Variants in PRCP observed in about 807,000 individuals in gnomAD.
PRCP encodes the protein lysosomal Pro-X carboxypeptidase.
In PRCP, 46 loss-of-function variants were observed where a neutral mutation model predicts 54.2. The ratio of observed to expected loss-of-function variants is 0.85; its 90% CI spans 0.67 to 1.09. PRCP has a LOEUF of 1.09. PRCP is among the 50% of genes least tolerant of loss of function. PRCP has a pLI of 0.00. For missense variants in PRCP, 613 were observed against 596.8 expected, an observed-to-expected ratio of 1.03 and a Z score of -0.28; for synonymous variants, 240 against 212.2, an observed-to-expected ratio of 1.13 and a Z score of -1.14.
At chr11:82,853,302 A>C in intron 2 of PRCP, 24 bp from the exon 3 acceptor site, 1 of 1,578,068 alleles carries the variant, frequency 6.3e-7, no homozygotes. Context: ...ACAAAATCAC[A>C]GGATAAAATC....
chr11:82,860,500 T>G (rs1345786279), intron 1 of PRCP, among the ~76,000 whole-genome samples: 1 of 152,068 alleles, frequency 6.6e-6, no homozygotes, highest in African/African-American at 2.4e-5. Flanking sequence ...TAACATGATG[T>G]TCTGAAATAC....
chr11:82,874,361 A>G, intron 1 of PRCP, among the ~76,000 whole-genome samples: 1 of 152,198 alleles, frequency 6.6e-6, no homozygotes, highest in East Asian at 1.9e-4. Context: ...CAAAAAACAA[A>G]CAAGCAAATA....
chr11:82,857,354 C>A (rs980831174), intron 2 of PRCP, among the ~76,000 whole-genome samples: 2 of 152,156 alleles, frequency 1.3e-5, no homozygotes, highest in Non-Finnish European at 2.9e-5. Context: ...ATTTTATAGA[C>A]AAGAACATTG....
chr11:82,849,321 T>C, intron 5 of PRCP, 103 bp from the exon 6 acceptor site: 4 of 1,261,548 alleles, frequency 3.2e-6, no homozygotes, highest in Non-Finnish European at 4.3e-6. Flanking sequence ...CTCAATCTTT[T>C]ATACCCCTTC....
At chr11:82,892,367 T>C (rs1860023934) in intron 1 of PRCP, among the ~76,000 whole-genome samples, 1 of 152,314 alleles carries the variant, frequency 6.6e-6, no homozygotes, top group South Asian at 2.1e-4. Flanking sequence ...TAAATGTTCA[T>C]TCATTCACTT....
At chr11:82,837,698 T>C (rs993913975) in intron 8 of PRCP, among the ~76,000 whole-genome samples, 3 of 152,190 alleles carry the variant, frequency 2.0e-5, no homozygotes, top group Non-Finnish European at 4.4e-5. Flanking sequence ...ACTCAAAACA[T>C]GGAAATTTTG....
At position 82,845,389 on chromosome 11, in the gene PRCP, T is replaced by C. The variant is rs561536149; in HGVS notation, c.921+3660A>G. Among the ~76,000 whole-genome samples, 3 of 152,020 alleles carry C rather than the reference T, an allele frequency of 2.0e-5. No individual in the cohort carries two copies. The South Asian group carries it at 6.2e-4, about 32-fold the overall frequency. ...TAACAGAGGAAGGAAAGAAGATATGTTGGGGGAAAAAAAAAAGACCAATCT... is the reference window on the plus strand; with the variant it reads ...TAACAGAGGAAGGAAAGAAGATATGCTGGGGGAAAAAAAAAAGACCAATCT... On this transcript the variant is annotated intron_variant, in intron 6 of 8. Coordinates refer to ENST00000313010, the MANE Select transcript of PRCP (RefSeq NM_005040.4).
rs756505412 is a variant in PRCP, at chr11:82,839,372, C to G, written c.975G>C (p.Gln325His). ...NPNVSDSLLLQNIFQALNVYY... is the reference protein window; with the variant it reads ...NPNVSDSLLLHNIFQALNVYY... ...ATACATTCAGAGCTTGGAAAATATT[C>G]TGCAGCAGCAGTGAATCAGATACAT... Residue 325 changes from glutamine to histidine, a missense_variant, in exon 7 of 9, where the codon CAG (glutamine) becomes CAC (histidine). Coordinates refer to ENST00000313010, the MANE Select transcript of PRCP (RefSeq NM_005040.4). The G allele has an allele frequency of 6.2e-7, 1 of 1,613,650 alleles. No individual in the cohort carries two copies. The highest frequency in any genetic ancestry group is 8.5e-7 in the Non-Finnish European group (1 of 1,179,772).
At chr11:82,887,840 C>G (rs1158250239) in intron 1 of PRCP, among the ~76,000 whole-genome samples, 1 of 152,182 alleles carries the variant, frequency 6.6e-6, no homozygotes, top group East Asian at 1.9e-4. Flanking sequence ...GGGTCTGACA[C>G]TACATCCAGG....
At chr11:82,852,234 C>G (rs897363943) in intron 3 of PRCP, among the ~76,000 whole-genome samples, 1 of 152,110 alleles carries the variant, frequency 6.6e-6, no homozygotes, top group African/African-American at 2.4e-5. Context: ...GCAAATCATC[C>G]CACTTTATAT....
intron 1 of PRCP, among the ~76,000 whole-genome samples, chr11:82,890,652 A>T (rs1397021917): frequency 1.3e-5 from 2 of 152,060 alleles, no homozygotes; most frequent in South Asian, 2.1e-4. Context: ...AAAGATTACC[A>T]CACTCGTGGT....
At chr11:82,875,985 C>T (rs546678378) in intron 1 of PRCP, among the ~76,000 whole-genome samples, 5 of 152,250 alleles carry the variant, frequency 3.3e-5, no homozygotes, top group African/African-American at 9.6e-5. Flanking sequence ...ATTCCTCTCT[C>T]GCATCATTAC....
At chr11:82,833,478 T>A (rs1164350504) in intron 8 of PRCP, among the ~76,000 whole-genome samples, 1 of 152,148 alleles carries the variant, frequency 6.6e-6, no homozygotes, top group East Asian at 1.9e-4. Context: ...AATAGGAACA[T>A]TTTTACACTG....
At position 82,849,075 on chromosome 11, in the gene PRCP, G is replaced by T. The variant is rs765596443; in HGVS notation, c.895C>A (p.Gln299Lys). Residue 299 changes from glutamine (Q) to lysine (K), a missense_variant, in exon 6 of 9, where the codon CAG becomes AAG. Gln to Lys is a moderately conservative substitution (Grantham distance 53). Transcript: ENST00000313010. The stretch of plus-strand genomic sequence containing the variant: ...TTGATAGGCCAAGCAGGCAAAGGCT[G>T]TAAAAAGTTAGAGGCATAAGGATAG... ...VDYPYASNFL[Q>K]PLPAWPIKVV... 1.9e-6 allele frequency: 3 copies of T among 1,613,792 alleles called. No homozygotes were observed. Among genetic ancestry groups the T allele is most frequent in the African/African-American group, 2.7e-5 (2 of 74,908 alleles).
At chr11:82,855,947 T>C (rs1859072856) in intron 2 of PRCP, among the ~76,000 whole-genome samples, 1 of 152,264 alleles carries the variant, frequency 6.6e-6, no homozygotes, top group South Asian at 2.1e-4. Context: ...AGTTTGGAGA[T>C]TTCCCAAAGA....
intron 1 of PRCP, among the ~76,000 whole-genome samples, chr11:82,866,650 G>A (rs1383688839): frequency 6.6e-6 from 1 of 152,084 alleles, no homozygotes; most frequent in Non-Finnish European, 1.5e-5. Context: ...ATACTCAGAT[G>A]GTTTGAAAGG....
At chr11:82,867,537 A>G (rs535759594) in intron 1 of PRCP, among the ~76,000 whole-genome samples, 1 of 152,338 alleles carries the variant, frequency 6.6e-6, no homozygotes, top group East Asian at 1.9e-4. Flanking sequence ...AAAGCACCAC[A>G]TAATCAATGC....
intron 1 of PRCP, chr11:82,899,977 G>T: frequency 4.2e-6 from 2 of 477,570 alleles, no homozygotes; most frequent in Non-Finnish European, 7.5e-6. Context: ...GAGTTGAAGT[G>T]ACTGTCGTGT....
intron 3 of PRCP, among the ~76,000 whole-genome samples, chr11:82,852,688 A>G (rs2121151947): frequency 6.6e-6 from 1 of 152,312 alleles, no homozygotes; most frequent in Middle Eastern, 3.4e-3. Context: ...AGCTCCTGTG[A>G]GAACAGGAAA....
Sources: gnomAD v4.1 joint callset for allele counts (sites outside exome capture counted in the v4.1 genomes callset) on GRCh38, gnomAD v4.1.1 for gene constraint, MANE v1.5 for transcripts, NCBI Gene and HGNC (gene_info 2026-07-23, HGNC 2026-07-21) for gene names.